The following BCAS3 variants were observed in gnomAD, a reference collection of about 807,000 sequenced individuals.
The protein encoded by BCAS3 is BCAS3 microtubule associated cell migration factor, also known as BCAS4/BCAS3 fusion.
In BCAS3, 53 loss-of-function variants were observed where a neutral mutation model predicts 116.1. The ratio of observed to expected loss-of-function variants is 0.46; its 90% CI spans 0.37 to 0.57. The LOEUF (loss-of-function observed/expected upper bound fraction) is 0.57. Ranked by LOEUF, BCAS3 falls within the 20% of genes least tolerant of loss-of-function variation. BCAS3 has a pLI of 0.00. For missense variants in BCAS3, 917 were observed against 1,165.4 expected, an observed-to-expected ratio of 0.79 and a Z score of 3.10; for synonymous variants, 391 against 408.2, an observed-to-expected ratio of 0.96 and a Z score of 0.51.
chr17:61,167,660 A>G (rs1002899451), intron 22 of BCAS3, among the ~76,000 whole-genome samples: 3 of 152,210 alleles, frequency 2.0e-5, no homozygotes, highest in Non-Finnish European at 4.4e-5. Flanking sequence ...CTGGACTACA[A>G]GGTAAACTTA....
At chr17:60,826,795 A>G (rs1229697938) in intron 7 of BCAS3, among the ~76,000 whole-genome samples, 1 of 152,224 alleles carries the variant, frequency 6.6e-6, no homozygotes, top group African/African-American at 2.4e-5. Context: ...ACATAAAGAA[A>G]GATCACCAGA....
chr17:61,042,078 T>A (rs2067556862), intron 19 of BCAS3, among the ~76,000 whole-genome samples: 1 of 151,974 alleles, frequency 6.6e-6, no homozygotes, highest in African/African-American at 2.4e-5. Flanking sequence ...ATGTAAGTGG[T>A]TTTCGGGTTG....
rs190788858 is a variant in BCAS3, at chr17:60,723,216, A to G, written c.321+13891A>G. On this transcript the variant is annotated intron_variant, in intron 5 of 23. Transcript: ENST00000407086. ...CTATGCATATATTTTCTGAACCATA[A>G]TTTCCATAAATTATTATTATTATTT... Among the ~76,000 whole-genome samples, 423 of 151,998 alleles carry G rather than the reference A, an allele frequency of 2.8e-3. 1 individual carries two copies. The highest frequency in any genetic ancestry group is 9.7e-3 in the African/African-American group (403 of 41,442).
In BCAS3 at chr17:60,747,270, C is replaced by G. The variant is rs755405960; in HGVS notation, c.394C>G (p.Pro132Ala). The change falls in exon 6 of 24, where the codon CCA (proline) becomes GCA (alanine). Residue 132 changes from proline (P) to alanine (A), a missense_variant. Transcript: ENST00000407086. Reference sequence around the variant, plus strand: ...TCGAGCGGCTAGAATCTTGCCTGCTCCACAGTTTGGTGAGTGTAGTCCTTA... The same window carrying G: ...TCGAGCGGCTAGAATCTTGCCTGCTGCACAGTTTGGTGAGTGTAGTCCTTA... ...PIRAARILPAPQFGAQKCDNF... is the reference protein window; with the variant it reads ...PIRAARILPAAQFGAQKCDNF... The G allele has an allele frequency of 1.2e-6, 2 of 1,612,524 alleles. No individual in the cohort carries two copies. The highest frequency in any genetic ancestry group is 2.2e-5 in the East Asian group (1 of 44,852).
At chr17:61,079,543 C>G (rs2072354979) in intron 21 of BCAS3, among the ~76,000 whole-genome samples, 1 of 152,064 alleles carries the variant, frequency 6.6e-6, no homozygotes, top group Admixed American at 6.6e-5. Context: ...TCATCTCACT[C>G]CCTAATCCTG....
chr17:61,194,651 A>T (rs1180758681), intron 22 of BCAS3, among the ~76,000 whole-genome samples: 1 of 151,942 alleles, frequency 6.6e-6, no homozygotes, highest in Non-Finnish European at 1.5e-5. Flanking sequence ...GAGGCAGGAG[A>T]ATCACTTAAA....
chr17:60,831,284 C>G (rs8081432), intron 7 of BCAS3, among the ~76,000 whole-genome samples: 13,385 of 152,166 alleles, frequency 0.088, 1,975 homozygotes, highest in African/African-American at 0.3. Context: ...TCAAGTGATT[C>G]TTCTGCCTCA....
At chr17:60,980,494 A>C (rs1600190011) in intron 14 of BCAS3, 1 of 143,876 alleles carries the variant, frequency 7.0e-6, no homozygotes, top group South Asian at 2.2e-4. Flanking sequence ...ACTTTCCCTC[A>C]TTCATTTTAT....
In BCAS3 at chr17:61,347,347, G is replaced by C. The variant is rs1475171267; in HGVS notation, c.2426-20980G>C. On this transcript the variant is annotated intron_variant, in intron 22 of 23. Transcript: ENST00000407086. This position sits in a 1 kb window ranked among gnomAD's most constrained non-coding sequence, Gnocchi z 4.3. ...TCCACCCACCTCAGCCTCCCAAAGTGCTGGGATTATAGGCATGAGCCACCG... is the reference window on the plus strand; with the variant it reads ...TCCACCCACCTCAGCCTCCCAAAGTCCTGGGATTATAGGCATGAGCCACCG... Among the ~76,000 whole-genome samples the C allele has an allele frequency of 6.6e-6, 1 of 152,190 alleles. No homozygotes were observed. Among genetic ancestry groups the C allele is most frequent in the Admixed American group, 6.5e-5 (1 of 15,278 alleles).
At chr17:61,351,861 A>T (rs1268451554) in intron 22 of BCAS3, among the ~76,000 whole-genome samples, 1 of 152,014 alleles carries the variant, frequency 6.6e-6, no homozygotes, top group East Asian at 1.9e-4. Flanking sequence ...ATCCTCCACC[A>T]CTCGTTTCAG....
intron 6 of BCAS3, among the ~76,000 whole-genome samples, chr17:60,791,159 C>T (rs1033813966): frequency 6.6e-6 from 1 of 152,142 alleles, no homozygotes; most frequent in East Asian, 1.9e-4. Context: ...GGGCTCAAAC[C>T]TCCGGTGTAG....
At chr17:61,081,498 A>G (rs1005986789) in intron 21 of BCAS3, among the ~76,000 whole-genome samples, 1 of 152,210 alleles carries the variant, frequency 6.6e-6, no homozygotes, top group Non-Finnish European at 1.5e-5. Flanking sequence ...ATGACTTTAA[A>G]TTGTTTATGT....
intron 22 of BCAS3, chr17:61,353,605 A>T (rs2057986979): frequency 6.6e-6 from 1 of 152,308 alleles, no homozygotes; most frequent in African/African-American, 2.4e-5. Context: ...GTGAGGATTC[A>T]TGGAGCAAAT....
Position 61,364,023 on chromosome 17 carries a change from C to G in BCAS3, c.2426-4304C>G, listed in dbSNP as rs1025356668. 6.6e-6 allele frequency among the ~76,000 whole-genome samples: 1 copy of G among 152,188 alleles called. No individual in the cohort carries two copies. Among genetic ancestry groups the G allele is most frequent in the Non-Finnish European group, 1.5e-5 (1 of 68,040 alleles). ...AGATTCCAGGAGCACCTTTGCTGTC[C>G]TCAGCAAAGAGGCTACGAGGTGTGG... On this transcript the variant is annotated intron_variant, in intron 22 of 23. Coordinates refer to ENST00000407086, the MANE Select transcript of BCAS3 (RefSeq NM_017679.5). The surrounding 1 kb of genome is among the most constrained non-coding windows in gnomAD (Gnocchi z 5.4).
chr17:60,771,549 G>A (rs9906279), intron 6 of BCAS3, among the ~76,000 whole-genome samples: 41,620 of 151,854 alleles, frequency 0.27, 11,395 homozygotes, highest in African/African-American at 0.71. Context: ...TTAGTGACGG[G>A]TATCTTTTTT....
At chr17:60,913,989 A>G (rs897262927) in intron 12 of BCAS3, among the ~76,000 whole-genome samples, 3 of 152,160 alleles carry the variant, frequency 2.0e-5, no homozygotes, top group Non-Finnish European at 4.4e-5. Context: ...AAAATCTCTA[A>G]TGGAAATAAA....
At chr17:60,970,286 C>G (rs1383222339) in intron 14 of BCAS3, among the ~76,000 whole-genome samples, 2 of 151,684 alleles carry the variant, frequency 1.3e-5, no homozygotes, top group Non-Finnish European at 2.9e-5. Context: ...AAATGGCATA[C>G]TAAAAAATGT....
intron 22 of BCAS3, among the ~76,000 whole-genome samples, chr17:61,308,553 G>A (rs934016745): frequency 3.3e-5 from 5 of 152,064 alleles, no homozygotes; most frequent in African/African-American, 1.2e-4. Flanking sequence ...TCTTCTCGGT[G>A]AGTAAGACAA....
At chr17:60,991,015 T>A (rs972865305) in intron 15 of BCAS3, among the ~76,000 whole-genome samples, 39 of 152,146 alleles carry the variant, frequency 2.6e-4, no homozygotes, top group African/African-American at 9.2e-4. Context: ...TTAGAGCAAG[T>A]AGCTGTGTAA....
Sources: gnomAD v4.1 joint callset for allele counts (sites outside exome capture counted in the v4.1 genomes callset) on GRCh38, gnomAD v4.1.1 for gene constraint, Gnocchi (gnomAD v3.1) non-coding constraint, MANE v1.5 for transcripts, NCBI Gene and HGNC (gene_info 2026-07-23, HGNC 2026-07-21) for gene names.